The following GRID2 variants were observed in gnomAD, a reference collection of about 807,000 sequenced individuals.
GRID2 encodes the protein glutamate receptor ionotropic, delta-2.
Under a neutral mutation model 114.8 loss-of-function variants are expected in GRID2, and 33 were observed. The observed-to-expected ratio is 0.29, with a 90% confidence interval of 0.22 to 0.38. GRID2 has a LOEUF of 0.38. Among genes scored for constraint, GRID2 ranks in the 10% least tolerant of loss-of-function variants. The probability of loss-of-function intolerance (pLI) is 1.00; values close to 1 mark genes in which losing one functional copy is unlikely to be tolerated. For synonymous variants in GRID2, 505 were observed against 449.9 expected, an observed-to-expected ratio of 1.12 and a Z score of -1.55; for missense variants, 1,184 against 1,257.7, an observed-to-expected ratio of 0.94 and a Z score of 0.89.
intron 2 of GRID2, among the ~76,000 whole-genome samples, chr4:93,010,030 C>G (rs920014324): frequency 3.9e-5 from 6 of 151,970 alleles, no homozygotes; most frequent in African/African-American, 1.4e-4. Flanking sequence ...AAGGTCCTGT[C>G]AACTAACCTT....
chr4:93,767,747 G>A (rs1260360831), intron 14 of GRID2, among the ~76,000 whole-genome samples: 1 of 152,136 alleles, frequency 6.6e-6, no homozygotes, highest in Non-Finnish European at 1.5e-5. Context: ...TGGATGACAT[G>A]AAACAGGTAA....
At chr4:92,725,942 A>G (rs2149320696) in intron 2 of GRID2, among the ~76,000 whole-genome samples, 1 of 152,286 alleles carries the variant, frequency 6.6e-6, no homozygotes, top group East Asian at 1.9e-4. Flanking sequence ...AATAAATTGT[A>G]AGAAAACTGA....
At chr4:92,440,291 C>T (rs1365143172) in intron 1 of GRID2, among the ~76,000 whole-genome samples, 1 of 145,918 alleles carries the variant, frequency 6.9e-6, no homozygotes, top group African/African-American at 2.4e-5. Flanking sequence ...CTAATAAAGG[C>T]TGGTCTATTA....
chr4:93,374,606 G>A (rs183367833), intron 8 of GRID2, among the ~76,000 whole-genome samples: 1 of 152,168 alleles, frequency 6.6e-6, no homozygotes, highest in Admixed American at 6.5e-5. Context: ...ATTTAAGTCA[G>A]TTGAAATCCC....
intron 2 of GRID2, among the ~76,000 whole-genome samples, chr4:92,776,492 G>A (rs949440029): frequency 2.0e-5 from 3 of 152,048 alleles, no homozygotes; most frequent in Middle Eastern, 3.4e-3. Flanking sequence ...CTTGTGTAGG[G>A]GGAGGGTATG....
intron 2 of GRID2, among the ~76,000 whole-genome samples, chr4:92,636,333 T>C (rs1410215926): frequency 1.3e-5 from 2 of 151,866 alleles, no homozygotes; most frequent in African/African-American, 4.8e-5. Flanking sequence ...CATAACTGCC[T>C]CTAAAATGTG....
chr4:93,094,823 A>C (rs1241283555), intron 3 of GRID2, among the ~76,000 whole-genome samples: 4 of 152,022 alleles, frequency 2.6e-5, no homozygotes, highest in Non-Finnish European at 5.9e-5. Context: ...AATTAGCCAA[A>C]ATTGAATTAA....
chr4:93,152,308 A>C (rs933367316), intron 4 of GRID2, among the ~76,000 whole-genome samples: 1 of 152,156 alleles, frequency 6.6e-6, no homozygotes, highest in Admixed American at 6.6e-5. Flanking sequence ...ACTAGAAAGT[A>C]AACAATAAGC....
At chr4:93,544,431 G>T (rs1284130512) in intron 13 of GRID2, among the ~76,000 whole-genome samples, 1 of 152,018 alleles carries the variant, frequency 6.6e-6, no homozygotes, top group Non-Finnish European at 1.5e-5. Flanking sequence ...TGCTCTGCCA[G>T]CCCTATTTTA....
At chr4:92,450,416 A>G (rs1237304790) in intron 1 of GRID2, among the ~76,000 whole-genome samples, 1 of 152,112 alleles carries the variant, frequency 6.6e-6, no homozygotes, top group Non-Finnish European at 1.5e-5. Flanking sequence ...ATCCAACTCA[A>G]TGAACAGTAA....
chr4:93,115,104 G>T (rs940851830), intron 4 of GRID2, among the ~76,000 whole-genome samples: 1 of 151,722 alleles, frequency 6.6e-6, no homozygotes, highest in African/African-American at 2.4e-5. Flanking sequence ...GTGTGTGTGT[G>T]TGTGTGTGTG....
intron 11 of GRID2, among the ~76,000 whole-genome samples, chr4:93,468,186 T>C (rs1291985752): frequency 6.6e-6 from 1 of 152,160 alleles, no homozygotes; most frequent in African/African-American, 2.4e-5. Flanking sequence ...TAAGCATGTC[T>C]TACCTATCTT....
At chr4:92,987,947 T>C (rs1754613387) in intron 2 of GRID2, among the ~76,000 whole-genome samples, 1 of 152,194 alleles carries the variant, frequency 6.6e-6, no homozygotes, top group African/African-American at 2.4e-5. Flanking sequence ...ATTTCAGTGA[T>C]ATGACATTTT....
At position 92,685,649 on chromosome 4, in the gene GRID2, C is replaced by A. The variant is rs567253597; in HGVS notation, c.244+95363C>A. ...TGATTTTATTAAATGACAGTACACT[C>A]ATATGATGTGGATAAATACAAATAT... On this transcript the variant is annotated intron_variant, in intron 2 of 15. Transcript: ENST00000282020. Among the ~76,000 whole-genome samples, 170 of 152,064 alleles carry A rather than the reference C, an allele frequency of 1.1e-3. 1 individual carries two copies. Among genetic ancestry groups the A allele is most frequent in the Middle Eastern group, 3.4e-3 (1 of 294 alleles).
chr4:93,589,502 G>A (rs1472277782), intron 13 of GRID2, among the ~76,000 whole-genome samples: 6 of 151,944 alleles, frequency 3.9e-5, no homozygotes, highest in East Asian at 3.9e-4. Context: ...GAATAATGCC[G>A]CAATAAACAT....
intron 2 of GRID2, among the ~76,000 whole-genome samples, chr4:92,818,409 G>C (rs749145116): frequency 6.6e-6 from 1 of 152,080 alleles, no homozygotes; most frequent in Non-Finnish European, 1.5e-5. Context: ...TTTGAGATGG[G>C]TGTTGAAAGA....
chr4:92,715,344 G>C (rs1290454364), intron 2 of GRID2, among the ~76,000 whole-genome samples: 2 of 151,984 alleles, frequency 1.3e-5, no homozygotes, highest in African/African-American at 2.4e-5. Context: ...ACGACTTTAG[G>C]GAATTCCAAA....
intron 2 of GRID2, among the ~76,000 whole-genome samples, chr4:92,783,703 T>C (rs1262436298): frequency 6.6e-6 from 1 of 151,960 alleles, no homozygotes; most frequent in Non-Finnish European, 1.5e-5. Flanking sequence ...GGCAACAAAG[T>C]GACACCCAGT....
chr4:92,622,871 T>C (rs1730338857), intron 2 of GRID2, among the ~76,000 whole-genome samples: 2 of 151,744 alleles, frequency 1.3e-5, no homozygotes, highest in African/African-American at 2.4e-5. Flanking sequence ...AGGTGATAGA[T>C]TGGAAAGTCT....
Sources: allele counts gnomAD v4.1 joint callset (sites outside exome capture counted in the v4.1 genomes callset), GRCh38; gene constraint gnomAD v4.1.1; transcripts MANE v1.5; gene names NCBI Gene and HGNC (gene_info 2026-07-23, HGNC 2026-07-21).